Variants in LIPJ observed in about 807,000 individuals in gnomAD.
The protein encoded by LIPJ is lipase family member J, also known as lipase member J.
In LIPJ, 33 loss-of-function variants were observed where a neutral mutation model predicts 39.8. That is an observed-to-expected ratio of 0.83 (90% CI 0.63 to 1.11). The LOEUF is 1.11. Ranked by LOEUF, LIPJ falls within the 50% of genes least tolerant of loss-of-function variation. LIPJ has a pLI of 0.00. For missense variants in LIPJ, 422 were observed against 427.9 expected (o/e 0.99, Z 0.12); for synonymous variants, 128 against 139.2 (o/e 0.92, Z 0.57).
intron 8 of LIPJ, among the ~76,000 whole-genome samples, chr10:88,600,184 TG>T (rs571019799): frequency 2.7e-3 from 409 of 152,282 alleles, no homozygotes; most frequent in Non-Finnish European, 4.1e-3. Context: ...GTTCACTGTT[TG>T]GGATACACTG....
At chr10:88,597,429 A>G (rs1364381477) in intron 8 of LIPJ, among the ~76,000 whole-genome samples, 1 of 151,890 alleles carries the variant, frequency 6.6e-6, no homozygotes, top group Non-Finnish European at 1.5e-5. Flanking sequence ...CTATTACCAA[A>G]ACCTTTGGAT....
At chr10:88,606,405 G>T (rs905646179) in intron 10 of LIPJ, among the ~76,000 whole-genome samples, 7 of 152,116 alleles carry the variant, frequency 4.6e-5, no homozygotes, top group African/African-American at 1.7e-4. Context: ...TTTATAAACA[G>T]TACTGAAATT....
In LIPJ at chr10:88,596,643, C is replaced by T. The variant is rs1473937026; in HGVS notation, c.577-147C>T. 7 of 857,450 alleles carry T rather than the reference C, an allele frequency of 8.2e-6. No individual in the cohort carries two copies. The African/African-American group carries it at 1.2e-4, about 15-fold the overall frequency. The allele number at this position is 857,450 out of a possible 1,614,324, so 53.1% of individuals were successfully genotyped here. A position where few individuals can be genotyped will look rare whatever the true frequency, so the allele number is the denominator to read the frequency against. ...ATTCAGTGGCCAAACCATCTCCACA[C>T]CCTGCTTCCAAGTTTTTTCCTTTAT... On this transcript the variant is annotated intron_variant, in intron 7 of 10. Transcript: ENST00000371939.
the LIPJ span, among the ~76,000 whole-genome samples, chr10:88,620,847 T>G: frequency 6.6e-6 from 1 of 152,136 alleles, no homozygotes; most frequent in Non-Finnish European, 1.5e-5. Flanking sequence ...TTTCTCACAG[T>G]TCTAGAGGCT....
downstream of LIPJ, among the ~76,000 whole-genome samples, chr10:88,611,707 T>C (rs1217340574): frequency 6.6e-6 from 1 of 152,046 alleles, no homozygotes; most frequent in Non-Finnish European, 1.5e-5. Flanking sequence ...ACCCCATCCA[T>C]ACAAGACAAA....
At chr10:88,613,790 A>G in the LIPJ span, among the ~76,000 whole-genome samples, 101 of 51,304 alleles carry the variant, frequency 2.0e-3, 2 homozygotes, top group African/African-American at 6.6e-3. Flanking sequence ...ATATATATAT[A>G]TATATATATA....
chr10:88,616,766 AG>A, the LIPJ span, among the ~76,000 whole-genome samples: 1 of 152,178 alleles, frequency 6.6e-6, no homozygotes, highest in Admixed American at 6.5e-5. Flanking sequence ...AGATGAAGAG[AG>A]GAGGCAAGCC....
intron 5 of LIPJ, chr10:88,594,370 C>G: frequency 1.2e-5 from 6 of 520,110 alleles, no homozygotes; most frequent in Non-Finnish European, 2.0e-5. Context: ...TAGTACCTTA[C>G]TGACCAACCC....
the LIPJ span, among the ~76,000 whole-genome samples, chr10:88,617,696 A>G: frequency 6.6e-6 from 1 of 152,234 alleles, no homozygotes; most frequent in African/African-American, 2.4e-5. Flanking sequence ...AGTTGGTACT[A>G]TTGAACATAT....
the LIPJ span, among the ~76,000 whole-genome samples, chr10:88,615,927 G>T: frequency 6.6e-6 from 1 of 152,162 alleles, no homozygotes; most frequent in Non-Finnish European, 1.5e-5. Flanking sequence ...ACAATAAAAT[G>T]GAGGCCTGGC....
intron 8 of LIPJ, among the ~76,000 whole-genome samples, chr10:88,599,017 T>G (rs1200939115): frequency 6.9e-6 from 1 of 144,568 alleles, no homozygotes; most frequent in Non-Finnish European, 1.5e-5. Flanking sequence ...TAATAATATA[T>G]TATATTAATT....
rs536163936 is a variant in LIPJ, at chr10:88,589,583, T to C, written c.-103-1002T>C. 2.0e-5 allele frequency among the ~76,000 whole-genome samples: 3 copies of C among 152,002 alleles called. 1 individual carries two copies. In the South Asian group the frequency reaches 6.2e-4, roughly 31 times the overall value. ...AGTGTTTTTTTAAAAATGAATGCAC[T>C]TTAAAACTTTCAGATTTACATAATT... On this transcript the variant is annotated intron_variant, in intron 2 of 10. Coordinates refer to ENST00000371939, the Ensembl canonical transcript of LIPJ.
At chr10:88,586,992 G>C (rs1009149465) in intron 1 of LIPJ, 147 bp downstream of exon 1, 2 of 152,020 alleles carry the variant, frequency 1.3e-5, no homozygotes, top group Non-Finnish European at 2.9e-5. Context: ...AGACTGCATA[G>C]TCACTACTTG....
At chr10:88,617,606 A>C in the LIPJ span, among the ~76,000 whole-genome samples, 1 of 152,170 alleles carries the variant, frequency 6.6e-6, no homozygotes, top group Admixed American at 6.5e-5. Context: ...TGATGAAGAA[A>C]GGGGAAAGCT....
chr10:88,583,154 C>T (rs768243018), upstream of LIPJ: 1 of 1,614,062 alleles, frequency 6.2e-7, no homozygotes, highest in Admixed American at 1.7e-5. Flanking sequence ...CACAAGCTTC[C>T]TGTCATCCCG....
chr10:88,590,451 A>G (rs1466512274), intron 2 of LIPJ, 134 bp from the exon 3 acceptor site: 1 of 408,800 alleles, frequency 2.4e-6, no homozygotes, highest in African/African-American at 2.1e-5. Flanking sequence ...CAAGTTATTT[A>G]ATTCTTCAAA....
At chr10:88,589,721 A>G (rs2765452) in intron 2 of LIPJ, among the ~76,000 whole-genome samples, 47,415 of 151,588 alleles carry the variant, frequency 0.31, 7,773 homozygotes, top group East Asian at 0.55. Context: ...GTTCTCTTGC[A>G]TAAGGAGGAT....
chr10:88,607,385 C>T (rs1851697277), downstream of LIPJ, among the ~76,000 whole-genome samples: 1 of 152,134 alleles, frequency 6.6e-6, no homozygotes, highest in Non-Finnish European at 1.5e-5. Flanking sequence ...TGTAATATTG[C>T]TTGCCTTGTG....
chr10:88,599,982 GA>G (rs1428514425), intron 8 of LIPJ, among the ~76,000 whole-genome samples: 1 of 151,258 alleles, frequency 6.6e-6, no homozygotes, highest in Non-Finnish European at 1.5e-5. Flanking sequence ...CACATTTCTT[GA>G]CTACTTTTGT....
Sources: gnomAD v4.1 joint callset for allele counts (sites outside exome capture counted in the v4.1 genomes callset) on GRCh38, gnomAD v4.1.1 for gene constraint, MANE v1.5 for transcripts, NCBI Gene and HGNC (gene_info 2026-07-23, HGNC 2026-07-21) for gene names.